The following DNM2 variants were observed in gnomAD, a reference collection of about 807,000 sequenced individuals.
The protein encoded by DNM2 is dynamin 2.
Under a neutral mutation model 99.0 loss-of-function variants are expected in DNM2, and 15 were observed. That is an observed-to-expected ratio of 0.15 (90% CI 0.10 to 0.23). The LOEUF is 0.23. Ranked by LOEUF, DNM2 falls within the 10% of genes least tolerant of loss-of-function variation. The probability of loss-of-function intolerance (pLI) is 1.00; values close to 1 mark genes in which losing one functional copy is unlikely to be tolerated. For synonymous variants in DNM2, 525 were observed against 481.2 expected (o/e 1.09, Z -1.19); for missense variants, 742 against 1,189.4 (o/e 0.62, Z 5.53).
chr19:10,777,921 A>G (rs1426854782), intron 5 of DNM2, among the ~76,000 whole-genome samples: 1 of 151,532 alleles, frequency 6.6e-6, no homozygotes, highest in Non-Finnish European at 1.5e-5. Context: ...AAACATTCCC[A>G]AAAGTGTGGA....
At chr19:10,723,371 G>A (rs1237560847) in intron 1 of DNM2, among the ~76,000 whole-genome samples, 1 of 152,162 alleles carries the variant, frequency 6.6e-6, no homozygotes, top group Non-Finnish European at 1.5e-5. Context: ...GACCTCAGGT[G>A]ATCTGCCGGC....
chr19:10,811,512 G>A lies in DNM2; in HGVS notation c.1558-752G>A. The A allele has an allele frequency of 2.8e-6, 1 of 359,958 alleles. No homozygotes were observed. Among genetic ancestry groups the A allele is most frequent in the South Asian group, 2.0e-5 (1 of 48,978 alleles). The allele number at this position is 359,958 out of a possible 1,614,324, so 22.3% of individuals were successfully genotyped here. A position where few individuals can be genotyped will look rare whatever the true frequency, so the allele number is the denominator to read the frequency against. ...TTGTAGCTTGGCCAAGTCTGTCAGT[G>A]CCTGGGTCCCAGGCCGCCCTGTGCG... On this transcript the variant is annotated intron_variant, in intron 14 of 20. Coordinates refer to ENST00000389253, the MANE Select transcript of DNM2 (RefSeq NM_001005361.3). The surrounding 1 kb of genome is among the most constrained non-coding windows in gnomAD (Gnocchi z 5.4).
chr19:10,795,860 C>T lies in DNM2; in HGVS notation c.1196+421C>T. ...CTCCTTATTCTAACAAAGGTAGTTG[C>T]TCCAGGTGTCTGCCCTTCCATCGCC... On this transcript the variant is annotated intron_variant, in intron 9 of 20. Coordinates refer to ENST00000389253, the MANE Select transcript of DNM2 (RefSeq NM_001005361.3). The surrounding 1 kb of genome is among the most constrained non-coding windows in gnomAD (Gnocchi z 4.2). 2.6e-6 allele frequency: 2 copies of T among 762,540 alleles called. No individual in the cohort carries two copies. Among genetic ancestry groups the T allele is most frequent in the Non-Finnish European group, 4.4e-6 (2 of 451,352 alleles). 47.2% of individuals were successfully genotyped at this position (762,540 alleles called of 1,614,324 possible).
At position 10,796,779 on chromosome 19, in the gene DNM2, A is replaced by G. The variant is rs1177742746; in HGVS notation, c.1197-601A>G. Among the ~76,000 whole-genome samples the G allele has an allele frequency of 6.6e-6, 1 of 152,006 alleles. No homozygotes were observed. The highest frequency in any genetic ancestry group is 1.5e-5 in the Non-Finnish European group (1 of 67,988). On this transcript the variant is annotated intron_variant, in intron 9 of 20. Transcript: ENST00000389253. This position sits in a 1 kb window ranked among gnomAD's most constrained non-coding sequence, Gnocchi z 5.6. The stretch of plus-strand genomic sequence containing the variant: ...GGATCCACTTAGTCACAGTGCCTCT[A>G]TGCGCTCTCGACGAGCCACTGCCTC...
At chr19:10,761,900 C>T (rs1057469113) in intron 2 of DNM2, among the ~76,000 whole-genome samples, 20 of 152,348 alleles carry the variant, frequency 1.3e-4, no homozygotes, top group African/African-American at 4.6e-4. Flanking sequence ...GGCCAATGGG[C>T]TGCCACCTCT....
rs371640579 is a variant in DNM2 at position 10,743,637 on chromosome 19, C to T, written c.162-16101C>T. On this transcript the variant is annotated intron_variant, in intron 1 of 20. Coordinates refer to ENST00000389253, the MANE Select transcript of DNM2 (RefSeq NM_001005361.3). ...CATCCTGGCTAATATGGTAAAACTCCGTCTCTACTAAAAATACAAAAAATT... is the reference window on the plus strand; with the variant it reads ...CATCCTGGCTAATATGGTAAAACTCTGTCTCTACTAAAAATACAAAAAATT... Among the ~76,000 whole-genome samples the T allele has an allele frequency of 1.3e-3, 203 of 151,612 alleles. 1 individual carries two copies. The highest frequency in any genetic ancestry group is 4.8e-3 in the African/African-American group (198 of 41,328).
intron 2 of DNM2, among the ~76,000 whole-genome samples, chr19:10,770,392 C>T (rs926877427): frequency 2.4e-4 from 36 of 152,164 alleles, no homozygotes; most frequent in Non-Finnish European, 8.8e-5. Flanking sequence ...GCCAGTGTGA[C>T]TTATTACCCC....
intron 2 of DNM2, among the ~76,000 whole-genome samples, chr19:10,763,939 C>T (rs1256579838): frequency 6.6e-6 from 1 of 151,876 alleles, no homozygotes; most frequent in African/African-American, 2.4e-5. Flanking sequence ...CCTGGTGGTG[C>T]GGGCAGATGC....
At chr19:10,737,579 G>A (rs550285280) in intron 1 of DNM2, among the ~76,000 whole-genome samples, 5 of 152,126 alleles carry the variant, frequency 3.3e-5, no homozygotes, top group East Asian at 1.9e-4. Flanking sequence ...TCTGCTTCCC[G>A]GGTTCAAGCG....
In DNM2 at chr19:10,796,041, C is replaced by T; in HGVS notation, c.1196+602C>T. ...TCTCTCTGACTTATCTCCCCTGCCC[C>T]CGGGTCTGGACGGTTTCAGGACCGG... is the stretch of plus-strand genomic sequence containing the variant. On this transcript the variant is annotated intron_variant, in intron 9 of 20. Coordinates refer to ENST00000389253, the MANE Select transcript of DNM2 (RefSeq NM_001005361.3). This position sits in a 1 kb window ranked among gnomAD's most constrained non-coding sequence, Gnocchi z 5.6. The T allele has an allele frequency of 6.2e-7, 1 of 1,612,912 alleles. No individual in the cohort carries two copies. Among genetic ancestry groups the T allele is most frequent in the Non-Finnish European group, 8.5e-7 (1 of 1,180,014 alleles).
At chr19:10,756,259 C>G (rs1015267630) in intron 1 of DNM2, among the ~76,000 whole-genome samples, 2 of 152,088 alleles carry the variant, frequency 1.3e-5, no homozygotes, top group African/African-American at 4.8e-5. Context: ...CCCTCAGTCC[C>G]CCTGCTCAGA....
intron 1 of DNM2, among the ~76,000 whole-genome samples, chr19:10,748,854 G>A (rs2070090869): frequency 6.6e-6 from 1 of 152,226 alleles, no homozygotes; most frequent in Admixed American, 6.5e-5. Context: ...AGCCTGTTGG[G>A]TGGCCAGCGT....
At chr19:10,724,212 C>T (rs967115204) in intron 1 of DNM2, among the ~76,000 whole-genome samples, 2 of 152,100 alleles carry the variant, frequency 1.3e-5, no homozygotes, top group Non-Finnish European at 2.9e-5. Context: ...GAGTCTCACT[C>T]TGTCTTCCAG....
chr19:10,827,642 C>T (rs1345461491), intron 18 of DNM2, among the ~76,000 whole-genome samples: 2 of 151,738 alleles, frequency 1.3e-5, no homozygotes, highest in Admixed American at 6.6e-5. Context: ...GAGGCTGAGG[C>T]GGGCACATCA....
intron 1 of DNM2, among the ~76,000 whole-genome samples, chr19:10,736,971 AC>A (rs1224278245): frequency 6.6e-6 from 1 of 151,826 alleles, no homozygotes; most frequent in African/African-American, 2.4e-5. Context: ...ACATAACGAG[AC>A]CCCCATCTCT....
rs75141613 is a variant in DNM2, at chr19:10,720,217, T to A, written c.161+1814T>A. On this transcript the variant is annotated intron_variant, in intron 1 of 20. Coordinates refer to ENST00000389253, the MANE Select transcript of DNM2 (RefSeq NM_001005361.3). Reference sequence around the variant, plus strand: ...TTATTTTATTTTATTTATTTATTTATTTTTTTTTTTTTTGAGACAGAGTCT... The same window carrying A: ...TTATTTTATTTTATTTATTTATTTAATTTTTTTTTTTTTGAGACAGAGTCT... 1.7e-3 allele frequency among the ~76,000 whole-genome samples: 206 copies of A among 123,708 alleles called. 2 individuals are homozygous for A. The highest frequency in any genetic ancestry group is 7.3e-3 in the African/African-American group (185 of 25,352). The allele number at this position is 123,708 out of a possible 152,430, so 81.2% of individuals were successfully genotyped here. A position where few individuals can be genotyped will look rare whatever the true frequency, so the allele number is the denominator to read the frequency against.
intron 3 of DNM2, among the ~76,000 whole-genome samples, chr19:10,774,728 CTT>C (rs34413054): frequency 4.7e-4 from 57 of 121,392 alleles, no homozygotes; most frequent in African/African-American, 1.2e-3. Flanking sequence ...TTGGCCTATG[CTT>C]TTTTTTTTTT....
Position 10,795,335 on chromosome 19 carries a change from G to T in DNM2, c.1129-37G>T. The T allele has an allele frequency of 6.2e-7, 1 of 1,613,140 alleles. No individual in the cohort carries two copies. The highest frequency in any genetic ancestry group is 8.5e-7 in the Non-Finnish European group (1 of 1,179,236). On this transcript the variant is annotated intron_variant, in intron 8 of 20. Transcript: ENST00000389253. This position sits in a 1 kb window ranked among gnomAD's most constrained non-coding sequence, Gnocchi z 4.2. ...CACGCCTGCCACGGGGGCGCCCCGG[G>T]TGCCTCCATGCATGTGCTTGGTTTG...
chr19:10,789,542 A>T (rs1019840151), intron 7 of DNM2, among the ~76,000 whole-genome samples: 1 of 152,134 alleles, frequency 6.6e-6, no homozygotes, highest in Non-Finnish European at 1.5e-5. Flanking sequence ...AGAAAAAAAA[A>T]AAAAATTAGG....
Sources: gnomAD v4.1 joint callset for allele counts (sites outside exome capture counted in the v4.1 genomes callset) on GRCh38, gnomAD v4.1.1 for gene constraint, Gnocchi (gnomAD v3.1) non-coding constraint, MANE v1.5 for transcripts, NCBI Gene and HGNC (gene_info 2026-07-23, HGNC 2026-07-21) for gene names.